The following HELQ variants were observed in gnomAD, a reference collection of about 807,000 sequenced individuals.
The protein encoded by HELQ is helicase, POLQ like, also known as helicase POLQ-like.
In HELQ, 77 loss-of-function variants were observed where a neutral mutation model predicts 111.6. The observed-to-expected ratio is 0.69, with a 90% CI of 0.57 to 0.83. The LOEUF (loss-of-function observed/expected upper bound fraction) is 0.83, where lower values mean the gene tolerates loss of function less well. HELQ is among the 40% of genes least tolerant of loss of function. The probability of loss-of-function intolerance (pLI) is 0.00; values close to 1 mark genes in which losing one functional copy is unlikely to be tolerated. For synonymous variants in HELQ, 438 were observed against 454.7 expected, an observed-to-expected ratio of 0.96 and a Z score of 0.47; for missense variants, 1,200 against 1,288.5, an observed-to-expected ratio of 0.93 and a Z score of 1.05.
intron 2 of HELQ, among the ~76,000 whole-genome samples, chr4:83,451,768 C>G (rs1721387438): frequency 1.3e-5 from 2 of 152,268 alleles, no homozygotes; most frequent in East Asian, 3.9e-4. Flanking sequence ...AAGGTGCTAG[C>G]AGAAAAACAG....
intron 5 of HELQ, among the ~76,000 whole-genome samples, chr4:83,445,120 G>A (rs555392135): frequency 1.3e-5 from 2 of 152,318 alleles, no homozygotes; most frequent in South Asian, 2.1e-4. Context: ...GGCTTGGCTG[G>A]CTGGAGAGTG....
At chr4:83,445,905 C>A in intron 5 of HELQ, 109 bp downstream of exon 5, 1 of 685,518 alleles carries the variant, frequency 1.5e-6, no homozygotes, top group Non-Finnish European at 2.5e-6. Context: ...AGGCAAAAAG[C>A]TTAAGTATCT....
chr4:83,433,370 A>G (rs1454064539), intron 9 of HELQ, among the ~76,000 whole-genome samples: 1 of 152,194 alleles, frequency 6.6e-6, no homozygotes, highest in Non-Finnish European at 1.5e-5. Flanking sequence ...TATCCACAAT[A>G]TAAGAGTAGA....
intron 6 of HELQ, among the ~76,000 whole-genome samples, chr4:83,442,149 T>G (rs1720793401): frequency 6.6e-6 from 1 of 151,988 alleles, no homozygotes; most frequent in Admixed American, 6.6e-5. Flanking sequence ...AAACAGTTTG[T>G]AAACACAGCT....
At chr4:83,414,072 C>G (rs1041381055) in intron 17 of HELQ, among the ~76,000 whole-genome samples, 1 of 152,152 alleles carries the variant, frequency 6.6e-6, no homozygotes, top group African/African-American at 2.4e-5. Context: ...AGCGTATGTA[C>G]GTGGAAAAAT....
chr4:83,442,659 C>T (rs7681202), intron 6 of HELQ, among the ~76,000 whole-genome samples: 10,689 of 150,708 alleles, frequency 0.071, 1,373 homozygotes, highest in African/African-American at 0.25. Context: ...GATCTGCCCA[C>T]CTCGGCCTCC....
At chr4:83,418,862 C>G (rs1739498643) in intron 15 of HELQ, among the ~76,000 whole-genome samples, 1 of 152,164 alleles carries the variant, frequency 6.6e-6, no homozygotes, top group Admixed American at 6.5e-5. Context: ...AGAAGAAAAC[C>G]TTGAACAGAA....
chr4:83,446,790 T>G (rs1721072940), intron 4 of HELQ, 45 bp downstream of exon 4: 1 of 1,145,024 alleles, frequency 8.7e-7, no homozygotes, highest in Non-Finnish European at 1.3e-6. Context: ...TAATAAATAT[T>G]TAGTATAATA....
intron 6 of HELQ, among the ~76,000 whole-genome samples, chr4:83,442,584 G>T (rs369631361): frequency 6.6e-6 from 1 of 150,736 alleles, no homozygotes; most frequent in East Asian, 1.9e-4. Flanking sequence ...GCTAATTTTT[G>T]TATTTTTTAG....
intron 2 of HELQ, among the ~76,000 whole-genome samples, chr4:83,452,710 G>A (rs908298770): frequency 7.0e-4 from 107 of 152,158 alleles, no homozygotes; most frequent in African/African-American, 2.3e-3. Flanking sequence ...TTTCAAGAAG[G>A]GTGTAGTCAA....
At chr4:83,426,505 A>G (rs761881964) in intron 13 of HELQ, among the ~76,000 whole-genome samples, 11 of 151,984 alleles carry the variant, frequency 7.2e-5, no homozygotes, top group Non-Finnish European at 1.5e-4. Flanking sequence ...TTAAAAAGAA[A>G]GCTAATTTCC....
At chr4:83,446,707 T>C in intron 4 of HELQ, 128 bp downstream of exon 4, 1 of 598,548 alleles carries the variant, frequency 1.7e-6, no homozygotes, top group East Asian at 2.8e-5. Context: ...TCACCTATAT[T>C]GTCTATATTT....
intron 3 of HELQ, 104 bp from the exon 4 acceptor site, chr4:83,447,139 G>T (rs1235678914): frequency 1.0e-5 from 8 of 763,924 alleles, no homozygotes; most frequent in African/African-American, 1.8e-5. Flanking sequence ...CTTGAGCCCA[G>T]GAAGGTGAGA....
intron 7 of HELQ, among the ~76,000 whole-genome samples, chr4:83,440,368 T>C (rs1253133535): frequency 6.6e-6 from 1 of 152,080 alleles, no homozygotes; most frequent in Non-Finnish European, 1.5e-5. Context: ...AAACACAGAT[T>C]GATCCTAATA....
chr4:83,416,966 G>T, intron 16 of HELQ, 101 bp from the exon 17 acceptor site: 1 of 994,250 alleles, frequency 1.0e-6, no homozygotes, highest in Non-Finnish European at 1.5e-6. Flanking sequence ...GTAAGAGACT[G>T]GGATAAAATA....
chr4:83,419,723 A>G lies in HELQ; in HGVS notation c.2950-1517T>C, dbSNP rs79946106. On this transcript the variant is annotated intron_variant, in intron 15 of 17. Coordinates refer to ENST00000295488, the MANE Select transcript of HELQ (RefSeq NM_133636.5). The stretch of plus-strand genomic sequence containing the variant: ...CAACAAATATAGAAGACTTAAGAAA[A>G]TACATTTTAAAGGCTAGCTTCTTCT... 2.6e-5 allele frequency among the ~76,000 whole-genome samples: 4 copies of G among 152,146 alleles called. No individual in the cohort carries two copies. The East Asian group carries it at 7.7e-4, about 29-fold the overall frequency.
intron 11 of HELQ, among the ~76,000 whole-genome samples, chr4:83,430,114 C>T (rs971286979): frequency 1.3e-5 from 2 of 151,322 alleles, no homozygotes; most frequent in Non-Finnish European, 2.9e-5. Context: ...GCACTGCATT[C>T]CACCCAACTG....
chr4:83,432,228 T>C lies in HELQ; in HGVS notation c.2088A>G (p.Leu696=). ...LRAPYVAKEF[L]KRNQYKQMIG... is the part of the protein sequence containing the mutation. ...TCATCTGTTTATATTGATTCCTCTT[T>C]AAAAATTCCTTAGCAACATAGGGAG... Residue 696 remains leucine, a synonymous_variant, in exon 10 of 18, where the codon TTA becomes TTG. Transcript: ENST00000295488. The C allele has an allele frequency of 6.3e-7, 1 of 1,587,538 alleles. No individual in the cohort carries two copies. Among genetic ancestry groups the C allele is most frequent in the Non-Finnish European group, 8.6e-7 (1 of 1,165,554 alleles).
intron 5 of HELQ, among the ~76,000 whole-genome samples, chr4:83,445,073 G>C (rs543377306): frequency 3.9e-5 from 6 of 152,324 alleles, no homozygotes; most frequent in Non-Finnish European, 8.8e-5. Context: ...AGGTAAACCA[G>C]ATAGGATTTG....
Sources: allele counts gnomAD v4.1 joint callset (sites outside exome capture counted in the v4.1 genomes callset), GRCh38; gene constraint gnomAD v4.1.1; transcripts MANE v1.5; gene names NCBI Gene and HGNC (gene_info 2026-07-23, HGNC 2026-07-21).